Variants in FOXN3 observed in about 807,000 individuals in gnomAD.
FOXN3 encodes the protein forkhead box protein N3.
Under a neutral mutation model 38.4 loss-of-function variants are expected in FOXN3, and 7 were observed. That is an observed-to-expected ratio of 0.18 (90% confidence interval 0.10 to 0.34). FOXN3 has a LOEUF of 0.34. Ranked by LOEUF, FOXN3 falls within the 10% of genes least tolerant of loss-of-function variation. FOXN3 has a pLI of 1.00. For missense variants in FOXN3, 456 were observed against 613.4 expected, an observed-to-expected ratio of 0.74 and a Z score of 2.71; for synonymous variants, 230 against 242.2, an observed-to-expected ratio of 0.95 and a Z score of 0.47.
chr14:89,342,836 G>A (rs911008907), intron 3 of FOXN3, among the ~76,000 whole-genome samples: 4 of 152,052 alleles, frequency 2.6e-5, no homozygotes, highest in African/African-American at 9.7e-5. Context: ...AATGCCTCAC[G>A]CTTTTAAATT....
chr14:89,185,852 G>C (rs887524985), intron 4 of FOXN3: 6 of 152,276 alleles, frequency 3.9e-5, no homozygotes, highest in African/African-American at 1.4e-4. Flanking sequence ...CATAAGAAGA[G>C]AGCCAAACAG....
At chr14:89,482,944 A>C (rs1893369054) in intron 1 of FOXN3, among the ~76,000 whole-genome samples, 1 of 150,990 alleles carries the variant, frequency 6.6e-6, no homozygotes, top group South Asian at 2.1e-4. Flanking sequence ...GCAGTGGCTC[A>C]CACCTATAAT....
chr14:89,204,058 C>T (rs1474333209), intron 4 of FOXN3, among the ~76,000 whole-genome samples: 1 of 13,672 alleles, frequency 7.3e-5, no homozygotes, highest in Non-Finnish European at 1.3e-4. Context: ...CCCTTACACA[C>T]ACACACACAC....
intron 1 of FOXN3, among the ~76,000 whole-genome samples, chr14:89,612,784 A>C (rs1596333176): frequency 6.6e-6 from 1 of 151,140 alleles, no homozygotes; most frequent in East Asian, 2.0e-4. Context: ...GTGCCACTGC[A>C]CTCCAGCCTG....
intron 4 of FOXN3, chr14:89,230,802 A>C: frequency 6.7e-6 from 3 of 446,572 alleles, no homozygotes; most frequent in East Asian, 1.4e-4. Context: ...CATCTGCTTT[A>C]AATTCTGTAA....
At chr14:89,269,469 C>T (rs1297954875) in intron 4 of FOXN3, among the ~76,000 whole-genome samples, 4 of 150,996 alleles carry the variant, frequency 2.6e-5, no homozygotes, top group Non-Finnish European at 4.4e-5. Context: ...TGGTCACTTG[C>T]TTTTTGTTTT....
At chr14:89,576,609 A>C (rs1895627250) in intron 1 of FOXN3, 1 of 152,176 alleles carries the variant, frequency 6.6e-6, no homozygotes. Context: ...ATCAGATTAG[A>C]AGTCTGTCAC....
rs79675075 is a variant in FOXN3, at chr14:89,278,054, C to A, written c.745+2896G>T. Among the ~76,000 whole-genome samples the A allele has an allele frequency of 2.2e-4, 33 of 152,258 alleles. 1 individual carries two copies. In the East Asian group the frequency reaches 6.0e-3, roughly 28 times the overall value. ...CAAAAATAGGTCTCCCTCCTCTACA[C>A]GACAGGGCACCCCCACTGTATTAGT... is the stretch of plus-strand genomic sequence containing the variant. On this transcript the variant is annotated intron_variant, in intron 4 of 5. Transcript: ENST00000557258.
intron 4 of FOXN3, among the ~76,000 whole-genome samples, chr14:89,273,770 C>T (rs1050595191): frequency 6.6e-6 from 1 of 152,238 alleles, no homozygotes; most frequent in African/African-American, 2.4e-5. Flanking sequence ...GACTCTATTA[C>T]TGTAGTTACA....
intron 4 of FOXN3, among the ~76,000 whole-genome samples, chr14:89,269,785 A>G (rs1306566054): frequency 6.6e-6 from 1 of 152,048 alleles, no homozygotes; most frequent in East Asian, 1.9e-4. Flanking sequence ...TTGAGATGCC[A>G]TGAACCCCGA....
chr14:89,530,382 G>A (rs1330230791), intron 1 of FOXN3, among the ~76,000 whole-genome samples: 2 of 152,088 alleles, frequency 1.3e-5, no homozygotes, highest in African/African-American at 4.8e-5. Context: ...CATGATCGGG[G>A]AACTCCCCTT....
chr14:89,321,501 T>C (rs996313146), intron 3 of FOXN3, among the ~76,000 whole-genome samples: 10 of 152,054 alleles, frequency 6.6e-5, no homozygotes, highest in Non-Finnish European at 1.3e-4. Context: ...TGCTTGAACC[T>C]GGGCGGCAGA....
intron 1 of FOXN3, among the ~76,000 whole-genome samples, chr14:89,553,238 CAAAAAAAAAAAAAA>C (rs146581490): frequency 1.3e-5 from 1 of 79,034 alleles, no homozygotes; most frequent in East Asian, 3.8e-4. Context: ...GACCCTGTCC[CAAAAAAAAAAAAAA>C]AAAAAAAAAG....
chr14:89,476,455 G>A (rs888676248), intron 1 of FOXN3, among the ~76,000 whole-genome samples: 8 of 152,218 alleles, frequency 5.3e-5, no homozygotes, highest in African/African-American at 1.7e-4. Flanking sequence ...CGTGTACTAT[G>A]TTGACACCAC....
chr14:89,476,325 T>C (rs990593047), intron 1 of FOXN3, among the ~76,000 whole-genome samples: 2 of 152,152 alleles, frequency 1.3e-5, no homozygotes, highest in Non-Finnish European at 2.9e-5. Flanking sequence ...GCCATTCTCC[T>C]TCAAGAGATC....
intron 1 of FOXN3, among the ~76,000 whole-genome samples, chr14:89,451,034 C>A (rs1228497157): frequency 6.6e-6 from 1 of 152,188 alleles, no homozygotes; most frequent in Non-Finnish European, 1.5e-5. Context: ...GCCTTAGTTT[C>A]CCCATCTGCA....
intron 3 of FOXN3, among the ~76,000 whole-genome samples, chr14:89,304,012 C>A (rs1439779473): frequency 6.6e-6 from 1 of 152,246 alleles, no homozygotes; most frequent in Admixed American, 6.5e-5. Flanking sequence ...ATGATCCTTT[C>A]TTTCCACTGT....
chr14:89,380,290 T>G (rs1262968020), intron 2 of FOXN3, among the ~76,000 whole-genome samples: 3 of 152,234 alleles, frequency 2.0e-5, no homozygotes, highest in Non-Finnish European at 4.4e-5. Context: ...ATTCATCTTC[T>G]GCCATGATTG....
At chr14:89,264,342 A>G (rs1885901327) in intron 4 of FOXN3, among the ~76,000 whole-genome samples, 1 of 152,202 alleles carries the variant, frequency 6.6e-6, no homozygotes, top group South Asian at 2.1e-4. Context: ...AGAAATCAAG[A>G]GAGCCAAGCA....
Sources: gnomAD v4.1 joint callset for allele counts (sites outside exome capture counted in the v4.1 genomes callset) on GRCh38, gnomAD v4.1.1 for gene constraint, MANE v1.5 for transcripts, NCBI Gene and HGNC (gene_info 2026-07-23, HGNC 2026-07-21) for gene names.